OPHN1: variants seen among roughly 807,000 people sequenced by gnomAD.
OPHN1 encodes the protein oligophrenin 1.
A neutral mutation model predicts 60.7 loss-of-function variants in OPHN1; 11 were observed. The ratio of observed to expected loss-of-function variants is 0.18; its 90% CI spans 0.11 to 0.30. The LOEUF (loss-of-function observed/expected upper bound fraction) is 0.30. Among genes scored for constraint, OPHN1 ranks in the 10% least tolerant of loss-of-function variants. The pLI, the probability that OPHN1 is intolerant of heterozygous loss-of-function variation, is 1.00. For missense variants in OPHN1, 449 were observed against 611.0 expected, an observed-to-expected ratio of 0.73 and a Z score of 2.80; for synonymous variants, 226 against 222.6, an observed-to-expected ratio of 1.02 and a Z score of -0.14.
At chrX:68,312,620 A>C (rs1278174051) in intron 2 of OPHN1, among the ~76,000 whole-genome samples, 1 of 111,114 alleles carries the variant, frequency 9.0e-6, no homozygotes, top group African/African-American at 3.3e-5. Flanking sequence ...GAAACTTGAA[A>C]AAGAGAAAAC....
intron 19 of OPHN1, among the ~76,000 whole-genome samples, chrX:68,083,054 CTTTTTTTTTTTTTTTTTT>C (rs869083899): frequency 2.7e-5 from 1 of 37,455 alleles, no homozygotes; most frequent in South Asian, 3.1e-3. Flanking sequence ...CTGCTAGTTT[CTTTTTTTTTTTTTTTTTT>C]TTTTTTTTTT....
chrX:68,280,829 T>G (rs2078016278), intron 4 of OPHN1, among the ~76,000 whole-genome samples: 1 of 111,509 alleles, frequency 9.0e-6, no homozygotes, highest in Non-Finnish European at 1.9e-5. Context: ...ATTTTTAGGC[T>G]GTTAAAATAA....
chrX:68,315,142 G>C (rs947781362), intron 2 of OPHN1, among the ~76,000 whole-genome samples: 3 of 109,805 alleles, frequency 2.7e-5, no homozygotes, highest in African/African-American at 9.9e-5. Context: ...GAGCCAAGGA[G>C]TTCGAGCCTG....
At chrX:68,079,328 ATCC>A (rs1438711494) in intron 19 of OPHN1, among the ~76,000 whole-genome samples, 2 of 111,730 alleles carry the variant, frequency 1.8e-5, no homozygotes, top group African/African-American at 6.5e-5. Context: ...CCATTTCTTC[ATCC>A]TCCAGTTGAT....
chrX:68,175,632 T>C (rs1310269955), intron 15 of OPHN1, among the ~76,000 whole-genome samples: 1 of 111,440 alleles, frequency 9.0e-6, no homozygotes, highest in Non-Finnish European at 1.9e-5. Context: ...AAGTCTACCC[T>C]GTCTTTGCAT....
intron 2 of OPHN1, among the ~76,000 whole-genome samples, chrX:68,401,973 T>C (rs778200774): frequency 9.0e-6 from 1 of 111,674 alleles, no homozygotes; most frequent in South Asian, 3.7e-4. Flanking sequence ...CACTCTTTTC[T>C]TGAGGAAGCC....
intron 2 of OPHN1, among the ~76,000 whole-genome samples, chrX:68,430,549 G>A (rs150207971): frequency 0.02 from 2,211 of 111,574 alleles, 22 homozygotes; most frequent in Non-Finnish European, 0.033. Context: ...GAGGCCAGGC[G>A]TGGTGGCTCA....
At chrX:68,158,920 C>T (rs2077322052) in intron 15 of OPHN1, among the ~76,000 whole-genome samples, 1 of 111,873 alleles carries the variant, frequency 8.9e-6, no homozygotes, top group Non-Finnish European at 1.9e-5. Context: ...ATCAGCCCTG[C>T]TCCAGCTAAT....
chrX:68,391,886 C>T lies in OPHN1; in HGVS notation c.154+40981G>A, dbSNP rs558291265. Among the ~76,000 whole-genome samples the T allele has an allele frequency of 9.8e-4, 109 of 111,438 alleles. 1 individual carries two copies. Among genetic ancestry groups the T allele is most frequent in the African/African-American group, 3.3e-3 (100 of 30,723 alleles). ...ATGGCAAGGAAACAGGTTCTCCCCC[C>T]AGAGCCTCGACGAGGAACCAGCCCT... On this transcript the variant is annotated intron_variant, in intron 2 of 24. Coordinates refer to ENST00000355520, the MANE Select transcript of OPHN1 (RefSeq NM_002547.3).
intron 2 of OPHN1, among the ~76,000 whole-genome samples, chrX:68,418,584 T>C (rs774348263): frequency 2.7e-5 from 3 of 111,747 alleles, no homozygotes; most frequent in Non-Finnish European, 5.6e-5. Context: ...CCTCCTTCTA[T>C]AATACATCAT....
intron 15 of OPHN1, among the ~76,000 whole-genome samples, chrX:68,124,668 T>C (rs1181484423): frequency 1.8e-5 from 2 of 110,966 alleles, no homozygotes; most frequent in African/African-American, 6.6e-5. Context: ...ACAAGTCTTT[T>C]TTTTTTGAGA....
intron 19 of OPHN1, among the ~76,000 whole-genome samples, chrX:68,078,393 G>T (rs890899409): frequency 5.4e-5 from 6 of 111,469 alleles, no homozygotes; most frequent in African/African-American, 9.8e-5. Context: ...TGGGATTCAA[G>T]AAAATTTTAA....
At position 68,193,887 on chromosome X, in the gene OPHN1, T is replaced by C. The variant is rs1482683297; in HGVS notation, c.1201+3A>G. 1 of 1,195,905 alleles carries C rather than the reference T, an allele frequency of 8.4e-7. No individual in the cohort carries two copies. The highest frequency in any genetic ancestry group is 2.2e-5 in the Admixed American group (1 of 45,963). ...AATGCCAAGACTATGGTTCAGATCT[T>C]ACCTTTGGTCTCAATAATATTGATG... is the stretch of plus-strand genomic sequence containing the variant. On this transcript the variant is annotated splice_donor_region_variant and intron_variant, in intron 14 of 24. Transcript: ENST00000355520.
chrX:68,194,999 AAAGAAAGG>A (rs1263122102), intron 12 of OPHN1, among the ~76,000 whole-genome samples: 1 of 71,995 alleles, frequency 1.4e-5, no homozygotes, highest in Non-Finnish European at 2.6e-5. Context: ...AGAGAGAGAG[AAAGAAAGG>A]AAGGAAGGAA....
At chrX:68,380,131 T>G (rs969686584) in intron 2 of OPHN1, among the ~76,000 whole-genome samples, 1 of 111,412 alleles carries the variant, frequency 9.0e-6, no homozygotes, top group African/African-American at 3.3e-5. Flanking sequence ...TATTCGGAGA[T>G]TCAACTTCTT....
rs756023603 is a variant in OPHN1, at chrX:68,213,934, G to A, written c.525C>T (p.Phe175=). Residue 175 remains phenylalanine, a synonymous_variant, in exon 7 of 25, where the codon TTC becomes TTT. Coordinates refer to ENST00000355520, the MANE Select transcript of OPHN1 (RefSeq NM_002547.3). ...LQVDKERHNF[F]ESSLDYVYQI... ...GATAAACATAATCAAGAGAGGACTC[G>A]AAAAAATTGTGCCTCTCCTTGTCCA... The A allele has an allele frequency of 9.1e-6, 11 of 1,203,858 alleles. No individual in the cohort carries two copies. The highest frequency in any genetic ancestry group is 8.7e-5 in the African/African-American group (5 of 57,609).
intron 5 of OPHN1, among the ~76,000 whole-genome samples, chrX:68,242,082 T>C (rs2077783861): frequency 1.8e-5 from 2 of 109,954 alleles, no homozygotes; most frequent in Admixed American, 2.0e-4. Flanking sequence ...AAATATGACT[T>C]CACAGTTATT....
At chrX:68,087,126 G>A (rs1050273635) in intron 19 of OPHN1, among the ~76,000 whole-genome samples, 6 of 112,272 alleles carry the variant, frequency 5.3e-5, no homozygotes, top group Non-Finnish European at 9.4e-5. Context: ...AACAATTAGG[G>A]CTTCATGGTC....
At chrX:68,400,254 T>C (rs1037162418) in intron 2 of OPHN1, among the ~76,000 whole-genome samples, 1 of 111,993 alleles carries the variant, frequency 8.9e-6, no homozygotes, top group South Asian at 3.7e-4. Context: ...CGTTCTTTTG[T>C]TGCTTCATTC....
Sources: allele counts gnomAD v4.1 joint callset (sites outside exome capture counted in the v4.1 genomes callset), GRCh38; gene constraint gnomAD v4.1.1; transcripts MANE v1.5; gene names NCBI Gene and HGNC (gene_info 2026-07-23, HGNC 2026-07-21).